The following VASP variants were observed in gnomAD, a reference collection of about 807,000 sequenced individuals.
The protein encoded by VASP is vasodilator stimulated phosphoprotein.
Under a neutral mutation model 54.4 loss-of-function variants are expected in VASP, and 27 were observed. The ratio of observed to expected loss-of-function variants is 0.50; its 90% confidence interval spans 0.37 to 0.68. The LOEUF is 0.68. Among genes scored for constraint, VASP ranks in the 30% least tolerant of loss-of-function variants. VASP has a pLI of 0.00. For missense variants in VASP, 488 were observed against 528.3 expected (o/e 0.92, Z 0.75); for synonymous variants, 233 against 209.8 (o/e 1.11, Z -0.96).
At chr19:45,523,785 G>C (rs59900675) in intron 8 of VASP, 56 bp from the exon 9 acceptor site, 1 of 1,614,068 alleles carries the variant, frequency 6.2e-7, no homozygotes, top group East Asian at 2.2e-5. Context: ...ACCTGAAAGA[G>C]GAAATGGGCA....
chr19:45,520,354 G>A (rs1968806275), intron 3 of VASP, among the ~76,000 whole-genome samples: 1 of 152,194 alleles, frequency 6.6e-6, no homozygotes, highest in Non-Finnish European at 1.5e-5. Flanking sequence ...GGACGTGACT[G>A]AGTAGTGAGG....
intron 11 of VASP, among the ~76,000 whole-genome samples, chr19:45,525,326 G>A (rs2122349868): frequency 6.6e-6 from 1 of 152,258 alleles, no homozygotes; most frequent in South Asian, 2.1e-4. Flanking sequence ...CACTTTGGGA[G>A]GCCGAGGTGG....
rs1413450177 is a variant in VASP at position 45,521,339 on chromosome 19, C to T, written c.361C>T (p.Pro121Ser). The change falls in exon 4 of 13, where the codon CCC becomes TCC. Residue 121 changes from proline (P) to serine (S), a missense_variant. Physicochemically the swap from Pro to Ser is moderately conservative, Grantham distance 74. Around this residue, in one of 4 missense-constraint regions of VASP, gnomAD observed 226 missense variants for 196.0 expected, o/e 1.15. Transcript: ENST00000245932. ...CCTTTCAGGAGGTGGGCCCCCTCCA[C>T]CCCCAGCACTTCCCACCTGGTCGGT... The part of the protein sequence containing the change: ...EALEGGGPPP[P>S]PALPTWSVPN... The T allele has an allele frequency of 6.3e-7, 1 of 1,580,130 alleles. No homozygotes were observed. Among genetic ancestry groups the T allele is most frequent in the Non-Finnish European group, 8.6e-7 (1 of 1,163,024 alleles).
At chr19:45,524,186 A>C in intron 10 of VASP, 44 bp downstream of exon 10, 1 of 1,610,152 alleles carries the variant, frequency 6.2e-7, no homozygotes, top group Non-Finnish European at 8.5e-7. Context: ...AAAGGCGGGC[A>C]GATCGCTTGA....
In VASP at chr19:45,521,266, A is replaced by G. The variant is rs1486131602; in HGVS notation, c.344-56A>G. 5 of 1,498,006 alleles carry G rather than the reference A, an allele frequency of 3.3e-6. No individual in the cohort carries two copies. In the African/African-American group the frequency reaches 4.2e-5, roughly 12 times the overall value. 92.8% of individuals were successfully genotyped at this position (1,498,006 alleles called of 1,614,324 possible). A position where few individuals can be genotyped will look rare whatever the true frequency, so the allele number is the denominator to read the frequency against. Reference sequence around the variant, plus strand: ...GGCCTGGGAGAGCAAGGGAAGCGCCAAGAGCTGAGCAGAGTTCTGGGACTG... The same window carrying G: ...GGCCTGGGAGAGCAAGGGAAGCGCCGAGAGCTGAGCAGAGTTCTGGGACTG... On this transcript the variant is annotated intron_variant, in intron 3 of 12. Coordinates refer to ENST00000245932, the MANE Select transcript of VASP (RefSeq NM_003370.4).
At chr19:45,510,580 G>A (rs927950224) in intron 1 of VASP, among the ~76,000 whole-genome samples, 4 of 152,012 alleles carry the variant, frequency 2.6e-5, no homozygotes, top group Non-Finnish European at 2.9e-5. Flanking sequence ...TCCCCACCCC[G>A]GTACTCAGTT....
chr19:45,509,929 A>G (rs1968568398), intron 1 of VASP, among the ~76,000 whole-genome samples: 1 of 152,124 alleles, frequency 6.6e-6, no homozygotes, highest in South Asian at 2.1e-4. Context: ...CAGTTGGAAG[A>G]GAGGATGTTA....
At chr19:45,522,272 CA>C in intron 5 of VASP, 55 bp downstream of exon 5, 4 of 1,614,082 alleles carry the variant, frequency 2.5e-6, no homozygotes, top group Non-Finnish European at 3.4e-6. Flanking sequence ...AGGAAGTGGC[CA>C]GCCAGCTGGA....
At chr19:45,513,127 C>G (rs761221730) in intron 1 of VASP, among the ~76,000 whole-genome samples, 15 of 152,108 alleles carry the variant, frequency 9.9e-5, no homozygotes, top group Non-Finnish European at 1.9e-4. Flanking sequence ...AGAGCCTATC[C>G]CATGAGGTTG....
At chr19:45,514,415 C>G (rs1411052225) in intron 1 of VASP, among the ~76,000 whole-genome samples, 2 of 152,006 alleles carry the variant, frequency 1.3e-5, no homozygotes, top group East Asian at 3.9e-4. Flanking sequence ...GATGGGGGGT[C>G]TCACTGTGTT....
chr19:45,524,124 A>T lies in VASP; in HGVS notation c.938A>T (p.Asn313Ile). The change falls in exon 10 of 13, where the codon AAC becomes ATC. Residue 313 changes from asparagine (N) to isoleucine (I), a missense_variant. Transcript: ENST00000245932. Reference protein sequence around the residue: ...SESVRRPWEKNSTTLPRMKSS... With the variant: ...SESVRRPWEKISTTLPRMKSS... The stretch of plus-strand genomic sequence containing the variant: ...TCTGTGCGGAGACCCTGGGAGAAGA[A>T]CAGCACAACCTTGCCAAGGTAGGCC... The T allele has an allele frequency of 6.2e-7, 1 of 1,613,844 alleles. No individual in the cohort carries two copies. The highest frequency in any genetic ancestry group is 8.5e-7 in the Non-Finnish European group (1 of 1,180,002).
rs1041622331 is a variant in VASP, at chr19:45,507,748, G to T, written c.-24G>T. On this transcript the variant is annotated 5_prime_UTR_variant, in exon 1 of 13. Transcript: ENST00000245932. This position sits in a 1 kb window ranked among gnomAD's most constrained non-coding sequence, Gnocchi z 4.4. ...CCCCGGGAGCAGCCAGCCCGTGGGC[G>T]AGCCGCCCGCCCGCCGAGCAGCCAT... 4 of 1,510,648 alleles carry T rather than the reference G, an allele frequency of 2.6e-6. No homozygotes were observed. The African/African-American group carries it at 4.3e-5, about 16-fold the overall frequency. The allele number at this position is 1,510,648 out of a possible 1,614,324, so 93.6% of individuals were successfully genotyped here. A position where few individuals can be genotyped will look rare whatever the true frequency, so the allele number is the denominator to read the frequency against.
At chr19:45,508,654 C>G (rs1968539750) in intron 1 of VASP, among the ~76,000 whole-genome samples, 1 of 152,196 alleles carries the variant, frequency 6.6e-6, no homozygotes, top group African/African-American at 2.4e-5. Context: ...CTGCCTTCCC[C>G]ACCACGGCCC....
chr19:45,519,118 G>A (rs1406566236), intron 3 of VASP, among the ~76,000 whole-genome samples: 2 of 152,172 alleles, frequency 1.3e-5, no homozygotes, highest in East Asian at 1.9e-4. Flanking sequence ...GGGTTCAAGC[G>A]ATTCTCCTGC....
At chr19:45,514,518 G>T (rs1055444307) in intron 1 of VASP, among the ~76,000 whole-genome samples, 2 of 152,098 alleles carry the variant, frequency 1.3e-5, no homozygotes, top group African/African-American at 4.8e-5. Flanking sequence ...ACCGTTCCCC[G>T]CCCCACCTCG....
intron 1 of VASP, among the ~76,000 whole-genome samples, chr19:45,508,919 C>G (rs995286407): frequency 2.0e-5 from 3 of 152,166 alleles, no homozygotes; most frequent in African/African-American, 7.2e-5. Context: ...CCCAACCATC[C>G]CCCCTATTCT....
In VASP at chr19:45,513,468, C is replaced by CTTTT. The variant is rs71173173; in HGVS notation, c.6-4177_6-4174dup. ...CATCTTGCCCAAGCTAGTCTCTCTC[C>CTTTT]TTTTTTTTTTTTTTTTTTTTTGAGA... On this transcript the variant is annotated intron_variant, in intron 1 of 12. Transcript: ENST00000245932. 6.5e-4 allele frequency among the ~76,000 whole-genome samples: 60 copies of CTTTT among 92,784 alleles called. 3 individuals carry two copies. The highest frequency in any genetic ancestry group is 5.3e-3 in the Admixed American group (38 of 7,172). The allele number at this position is 92,784 out of a possible 152,430, so 60.9% of individuals were successfully genotyped here. A position where few individuals can be genotyped will look rare whatever the true frequency, so the allele number is the denominator to read the frequency against.
intron 7 of VASP, among the ~76,000 whole-genome samples, chr19:45,523,189 AATTTTTTTTTTTTTTT>A (rs1968882169): frequency 9.3e-6 from 1 of 106,970 alleles, no homozygotes; most frequent in South Asian, 3.2e-4. Context: ...CAATCTCTTG[AATTTTTTTTTTTTTTT>A]TTTTTTTTTT....
At chr19:45,517,618 G>C in intron 1 of VASP, 45 bp from the exon 2 acceptor site, 2 of 1,584,600 alleles carry the variant, frequency 1.3e-6, no homozygotes, top group South Asian at 1.1e-5. Flanking sequence ...GAGAGACCCA[G>C]ATAAGAAGGT....
Sources: gnomAD v4.1 joint callset for allele counts (sites outside exome capture counted in the v4.1 genomes callset) on GRCh38, gnomAD v4.1.1 for gene constraint, gnomAD v4.1.1 regional missense constraint, Gnocchi (gnomAD v3.1) non-coding constraint, MANE v1.5 for transcripts, NCBI Gene and HGNC (gene_info 2026-07-23, HGNC 2026-07-21) for gene names.